MAP2: variants seen among roughly 807,000 people sequenced by gnomAD.
MAP2 encodes the protein microtubule-associated protein 2.
A neutral mutation model predicts 137.6 loss-of-function variants in MAP2; 14 were observed. That is an observed-to-expected ratio of 0.10 (90% confidence interval 0.07 to 0.16). The LOEUF (loss-of-function observed/expected upper bound fraction) is 0.16. Among genes scored for constraint, MAP2 ranks in the 10% least tolerant of loss-of-function variants. The pLI, the probability that MAP2 is intolerant of heterozygous loss-of-function variation, is 1.00. For synonymous variants in MAP2, 786 were observed against 782.3 expected (o/e 1.00, Z -0.08); for missense variants, 2,088 against 2,191.5 (o/e 0.95, Z 0.94).
intron 11 of MAP2, among the ~76,000 whole-genome samples, chr2:209,705,002 C>T (rs1022547863): frequency 2.6e-5 from 4 of 151,236 alleles, no homozygotes; most frequent in Non-Finnish European, 4.4e-5. Context: ...TTAAACTAAA[C>T]GTCATATACA....
chr2:209,481,053 C>G (rs778392996), intron 1 of MAP2, among the ~76,000 whole-genome samples: 6 of 152,158 alleles, frequency 3.9e-5, no homozygotes, highest in Non-Finnish European at 7.3e-5. Context: ...GAAAAGAGAC[C>G]ATCTCCTGTA....
intron 7 of MAP2, among the ~76,000 whole-genome samples, chr2:209,687,784 G>A (rs1377121942): frequency 6.6e-6 from 1 of 152,218 alleles, no homozygotes; most frequent in African/African-American, 2.4e-5. Context: ...TGCCACCAGC[G>A]GGGAGAGGCG....
chr2:209,578,927 C>CTT (rs201680366), intron 2 of MAP2, among the ~76,000 whole-genome samples: 1,632 of 150,188 alleles, frequency 0.011, 31 homozygotes, highest in African/African-American at 0.037. Flanking sequence ...TTCTAATTCT[C>CTT]TGTTTTTTTT....
At chr2:209,539,024 C>T (rs1342238898) in intron 2 of MAP2, among the ~76,000 whole-genome samples, 1 of 152,088 alleles carries the variant, frequency 6.6e-6, no homozygotes, top group African/African-American at 2.4e-5. Flanking sequence ...GAATGATACA[C>T]ATCTTTTCTG....
At chr2:209,521,571 A>G (rs12694182) in intron 2 of MAP2, among the ~76,000 whole-genome samples, 18 of 151,306 alleles carry the variant, frequency 1.2e-4, no homozygotes, top group Non-Finnish European at 2.1e-4. Flanking sequence ...AAAAAAAAAA[A>G]TTTTTTAGGT....
At chr2:209,590,684 C>T (rs1353084786) in intron 3 of MAP2, among the ~76,000 whole-genome samples, 1 of 152,150 alleles carries the variant, frequency 6.6e-6, no homozygotes, top group Non-Finnish European at 1.5e-5. Context: ...CTTAGTCATA[C>T]CATGTTTCAA....
intron 1 of MAP2, among the ~76,000 whole-genome samples, chr2:209,489,493 C>T (rs1392797003): frequency 6.6e-6 from 1 of 152,106 alleles, no homozygotes. Flanking sequence ...GCAAACTCCT[C>T]CGACCTAAGG....
At chr2:209,706,611 C>T (rs2063508408) in intron 12 of MAP2, among the ~76,000 whole-genome samples, 1 of 152,066 alleles carries the variant, frequency 6.6e-6, no homozygotes, top group Middle Eastern at 3.4e-3. Flanking sequence ...CTGATAACTT[C>T]ACAACCTGAA....
intron 7 of MAP2, among the ~76,000 whole-genome samples, chr2:209,682,466 G>A (rs2055059202): frequency 6.6e-6 from 1 of 152,102 alleles, no homozygotes; most frequent in South Asian, 2.1e-4. Flanking sequence ...ACTGTAGCCT[G>A]GTGACATAGC....
At chr2:209,553,794 G>C (rs1238394478) in intron 2 of MAP2, among the ~76,000 whole-genome samples, 1 of 152,186 alleles carries the variant, frequency 6.6e-6, no homozygotes, top group Non-Finnish European at 1.5e-5. Flanking sequence ...ACATTGAAAA[G>C]AAGAAGCATC....
intron 2 of MAP2, among the ~76,000 whole-genome samples, chr2:209,525,669 G>A (rs191750117): frequency 6.6e-6 from 1 of 152,166 alleles, no homozygotes; most frequent in Admixed American, 6.5e-5. Context: ...TCTAACTAAA[G>A]CTTTACCAAA....
chr2:209,587,862 T>TA (rs547587401), intron 3 of MAP2, among the ~76,000 whole-genome samples: 4 of 152,162 alleles, frequency 2.6e-5, no homozygotes, highest in Non-Finnish European at 4.4e-5. Context: ...GTTGTATACT[T>TA]AAACAGCCAA....
At chr2:209,473,193 AC>A (rs1280910965) in intron 1 of MAP2, among the ~76,000 whole-genome samples, 1 of 152,158 alleles carries the variant, frequency 6.6e-6, no homozygotes, top group Non-Finnish European at 1.5e-5. Context: ...CATTCCTGGA[AC>A]CAAGTTTGTT....
At chr2:209,558,162 T>G (rs1176011724) in intron 2 of MAP2, among the ~76,000 whole-genome samples, 1 of 152,130 alleles carries the variant, frequency 6.6e-6, no homozygotes, top group East Asian at 1.9e-4. Context: ...TATATCTACA[T>G]AAACACACAC....
chr2:209,465,619 G>A (rs981857346), intron 1 of MAP2, among the ~76,000 whole-genome samples: 2 of 152,190 alleles, frequency 1.3e-5, no homozygotes, highest in Admixed American at 6.5e-5. Flanking sequence ...TTATTACAAA[G>A]ACAATAATAC....
At chr2:209,667,888 A>G (rs1192172684) in intron 5 of MAP2, among the ~76,000 whole-genome samples, 1 of 151,810 alleles carries the variant, frequency 6.6e-6, no homozygotes, top group Non-Finnish European at 1.5e-5. Context: ...TGCTTCCCCA[A>G]TCCCTTCTCT....
chr2:209,448,195 G>A (rs1177192725), intron 1 of MAP2, among the ~76,000 whole-genome samples: 2 of 152,022 alleles, frequency 1.3e-5, no homozygotes, highest in African/African-American at 2.4e-5. Context: ...AAATAAAGAG[G>A]TCTATTGTTG....
intron 1 of MAP2, among the ~76,000 whole-genome samples, chr2:209,452,243 G>GGA (rs1700486255): frequency 6.6e-6 from 1 of 152,114 alleles, no homozygotes; most frequent in African/African-American, 2.4e-5. Flanking sequence ...ACAGAGTAGG[G>GGA]GAGAGGGTTG....
intron 3 of MAP2, among the ~76,000 whole-genome samples, chr2:209,580,705 A>G (rs1490202323): frequency 6.6e-6 from 1 of 152,230 alleles, no homozygotes; most frequent in Non-Finnish European, 1.5e-5. Flanking sequence ...AGCATAAGAA[A>G]GTAATCCTTC....
Sources: gnomAD v4.1 joint callset for allele counts (sites outside exome capture counted in the v4.1 genomes callset) on GRCh38, gnomAD v4.1.1 for gene constraint, MANE v1.5 for transcripts, NCBI Gene and HGNC (gene_info 2026-07-23, HGNC 2026-07-21) for gene names.